Variants in FRMPD2 observed in about 807,000 individuals in gnomAD.
The protein encoded by FRMPD2 is FERM and PDZ domain containing 2.
FRMPD2 carries 96 observed loss-of-function variants against 140.1 expected under a neutral mutation model. The ratio of observed to expected loss-of-function variants is 0.69; its 90% CI spans 0.58 to 0.81. The LOEUF (loss-of-function observed/expected upper bound fraction) is 0.81, where lower values mean the gene tolerates loss of function less well. Among genes scored for constraint, FRMPD2 ranks in the 40% least tolerant of loss-of-function variants. The pLI, the probability that FRMPD2 is intolerant of heterozygous loss-of-function variation, is 0.00. For missense variants in FRMPD2, 1,240 were observed against 1,447.4 expected, an observed-to-expected ratio of 0.86 and a Z score of 2.32; for synonymous variants, 449 against 547.6, an observed-to-expected ratio of 0.82 and a Z score of 2.52.
intron 16 of FRMPD2, among the ~76,000 whole-genome samples, chr10:48,188,840 A>G (rs1838757789): frequency 6.6e-6 from 1 of 152,162 alleles, no homozygotes; most frequent in Admixed American, 6.5e-5. Flanking sequence ...CCAGTCACAA[A>G]AGGATGAAAT....
At chr10:48,241,589 A>G (rs1165034510) in intron 5 of FRMPD2, among the ~76,000 whole-genome samples, 5 of 152,228 alleles carry the variant, frequency 3.3e-5, no homozygotes, top group Admixed American at 2.6e-4. Flanking sequence ...AACTTGCACA[A>G]GAATCCCTGT....
chr10:48,236,733 C>G (rs1839975836), intron 8 of FRMPD2, among the ~76,000 whole-genome samples, 180 bp from the exon 9 acceptor site: 1 of 152,100 alleles, frequency 6.6e-6, no homozygotes. Context: ...CATCTTGGAG[C>G]AGAAGTCTTA....
At chr10:48,160,034 G>A (rs1310968030) in intron 28 of FRMPD2, among the ~76,000 whole-genome samples, 2 of 151,336 alleles carry the variant, frequency 1.3e-5, no homozygotes, top group Admixed American at 6.6e-5. Flanking sequence ...ACACCAAGGG[G>A]CAAATAACAT....
rs973329708 is a variant in FRMPD2, at chr10:48,242,290, G to A, written c.438C>T (p.His146=). Residue 146 remains histidine, a synonymous_variant, in exon 5 of 29, where the codon CAC becomes CAT. Transcript: ENST00000374201. Reference sequence around the variant, plus strand: ...GAACCGACTGCAACGTGCACCGCCTGTGAGGCTGGTCTTCACACATGGTCA... The same window carrying A: ...GAACCGACTGCAACGTGCACCGCCTATGAGGCTGGTCTTCACACATGGTCA... The part of the protein sequence containing the change: ...ILLTMCEDQP[H]RRCTLQSVLE... 3 of 1,614,062 alleles carry A rather than the reference G, an allele frequency of 1.9e-6. No individual in the cohort carries two copies. The highest frequency in any genetic ancestry group is 1.7e-6 in the Non-Finnish European group (2 of 1,180,028).
chr10:48,271,680 A>G (rs2131993186), intron 1 of FRMPD2, among the ~76,000 whole-genome samples: 1 of 152,386 alleles, frequency 6.6e-6, no homozygotes, highest in South Asian at 2.1e-4. Flanking sequence ...GCCAGCGACC[A>G]GTAAAAGGAA....
chr10:48,189,598 G>A (rs1363344874), intron 16 of FRMPD2, among the ~76,000 whole-genome samples: 6 of 152,204 alleles, frequency 3.9e-5, no homozygotes, highest in African/African-American at 1.4e-4. Context: ...GTGAGCTCAT[G>A]AGGTGGGGAC....
At chr10:48,267,613 C>A (rs1055142005) in intron 1 of FRMPD2, among the ~76,000 whole-genome samples, 14 of 152,220 alleles carry the variant, frequency 9.2e-5, no homozygotes, top group Non-Finnish European at 1.9e-4. Context: ...AGAACTCCTA[C>A]AATTCCTTAA....
At chr10:48,223,335 A>G (rs1212127375) in intron 10 of FRMPD2, 65 bp from the exon 11 acceptor site, 2 of 1,516,246 alleles carry the variant, frequency 1.3e-6, no homozygotes, top group Non-Finnish European at 1.8e-6. Context: ...TCTCAGACTC[A>G]TAGCCCTAAG....
intron 20 of FRMPD2, among the ~76,000 whole-genome samples, chr10:48,181,854 C>A (rs1478698154): frequency 4.1e-4 from 17 of 41,974 alleles, no homozygotes; most frequent in Middle Eastern, 0.013. Context: ...AATATATATT[C>A]CCTCATATAT....
In FRMPD2 at chr10:48,264,138, C is replaced by T. The variant is rs116795624; in HGVS notation, c.25+10405G>A. On this transcript the variant is annotated intron_variant, in intron 1 of 28. Coordinates refer to ENST00000374201, the MANE Select transcript of FRMPD2 (RefSeq NM_001018071.4). The stretch of plus-strand genomic sequence containing the variant: ...AACCAGGAATAGAAAGAAACTTCTT[C>T]GACTTAATCTTTTTAAAATATGTAA... Among the ~76,000 whole-genome samples, 1,029 of 151,702 alleles carry T rather than the reference C, an allele frequency of 6.8e-3. 11 individuals carry two copies. Among genetic ancestry groups the T allele is most frequent in the African/African-American group, 0.023 (950 of 41,418 alleles).
At chr10:48,228,974 A>G (rs1450162594) in intron 10 of FRMPD2, among the ~76,000 whole-genome samples, 1 of 152,070 alleles carries the variant, frequency 6.6e-6, no homozygotes, top group African/African-American at 2.4e-5. Context: ...TGATCAAGAT[A>G]ATTAAAATTA....
intron 7 of FRMPD2, among the ~76,000 whole-genome samples, chr10:48,238,456 G>T (rs1840022359): frequency 6.6e-6 from 1 of 152,146 alleles, no homozygotes; most frequent in South Asian, 2.1e-4. Context: ...AGCAGTTCTG[G>T]CTTCTTTAGA....
intron 3 of FRMPD2, chr10:48,248,710 G>A (rs1840308931): frequency 1.1e-5 from 2 of 187,462 alleles, no homozygotes; most frequent in Non-Finnish European, 2.2e-5. Flanking sequence ...TGGTAACAAT[G>A]TGCCAGACCA....
chr10:48,235,851 G>A (rs1427426615), intron 9 of FRMPD2, among the ~76,000 whole-genome samples: 1 of 152,128 alleles, frequency 6.6e-6, no homozygotes, highest in East Asian at 1.9e-4. Context: ...GCTCTGCAGG[G>A]GACGTGCTCA....
chr10:48,181,341 C>G (rs1838541088), intron 20 of FRMPD2, among the ~76,000 whole-genome samples: 1 of 152,240 alleles, frequency 6.6e-6, no homozygotes, highest in Admixed American at 6.5e-5. Context: ...GGACATCTTC[C>G]CATCTTCTCA....
At chr10:48,245,840 G>A (rs1840235339) in intron 3 of FRMPD2, among the ~76,000 whole-genome samples, 1 of 152,066 alleles carries the variant, frequency 6.6e-6, no homozygotes, top group Non-Finnish European at 1.5e-5. Flanking sequence ...ATGATTTTTG[G>A]GATTTTAGAA....
chr10:48,251,281 C>T (rs764446021), intron 2 of FRMPD2, among the ~76,000 whole-genome samples: 5 of 152,234 alleles, frequency 3.3e-5, no homozygotes, highest in Non-Finnish European at 7.3e-5. Context: ...GCTTTGCATG[C>T]CTGGAAATGC....
chr10:48,227,474 C>G (rs1009375894), intron 10 of FRMPD2, among the ~76,000 whole-genome samples: 1 of 152,176 alleles, frequency 6.6e-6, no homozygotes, highest in African/African-American at 2.4e-5. Flanking sequence ...GGGAATTTGT[C>G]TCAATTGTTT....
At chr10:48,217,107 G>C (rs976922005) in intron 12 of FRMPD2, among the ~76,000 whole-genome samples, 13 of 152,298 alleles carry the variant, frequency 8.5e-5, no homozygotes, top group Admixed American at 8.5e-4. Flanking sequence ...GGGGACAGAG[G>C]GGAATTGAAC....
Sources: allele counts gnomAD v4.1 joint callset (sites outside exome capture counted in the v4.1 genomes callset), GRCh38; gene constraint gnomAD v4.1.1; transcripts MANE v1.5; gene names NCBI Gene and HGNC (gene_info 2026-07-23, HGNC 2026-07-21).